The following SLC41A2 variants were observed in gnomAD, a reference collection of about 807,000 sequenced individuals.
SLC41A2 encodes the protein solute carrier family 41 member 2.
SLC41A2 carries 32 observed loss-of-function variants against 58.3 expected under a neutral mutation model. The observed-to-expected ratio is 0.55, with a 90% CI of 0.41 to 0.74. The LOEUF (loss-of-function observed/expected upper bound fraction) is 0.74, where lower values mean the gene tolerates loss of function less well. SLC41A2 is among the 30% of genes least tolerant of loss of function. SLC41A2 has a pLI of 0.00. For synonymous variants in SLC41A2, 190 were observed against 235.0 expected, an observed-to-expected ratio of 0.81 and a Z score of 1.75; for missense variants, 514 against 680.6, an observed-to-expected ratio of 0.76 and a Z score of 2.72.
At chr12:104,876,375 C>T (rs2044041434) in intron 6 of SLC41A2, among the ~76,000 whole-genome samples, 1 of 151,956 alleles carries the variant, frequency 6.6e-6, no homozygotes, top group Non-Finnish European at 1.5e-5. Flanking sequence ...TTTCTTCTTT[C>T]TAAATGCAGG....
chr12:104,831,048 T>C (rs921685250), intron 10 of SLC41A2, among the ~76,000 whole-genome samples: 6 of 152,186 alleles, frequency 3.9e-5, no homozygotes, highest in Non-Finnish European at 5.9e-5. Flanking sequence ...AGTACTTCAC[T>C]ATGAAGCTTT....
intron 10 of SLC41A2, among the ~76,000 whole-genome samples, chr12:104,821,889 C>G (rs2041651956): frequency 6.6e-6 from 1 of 152,148 alleles, no homozygotes; most frequent in East Asian, 1.9e-4. Context: ...TATCATTGTT[C>G]TTTATTCAAC....
intron 6 of SLC41A2, among the ~76,000 whole-genome samples, chr12:104,874,367 C>T (rs965862261): frequency 6.6e-5 from 10 of 152,182 alleles, no homozygotes; most frequent in Non-Finnish European, 1.3e-4. Flanking sequence ...AGCCATCACG[C>T]CCAGCCAAAT....
In SLC41A2 at chr12:104,895,282, A is replaced by G. The variant is rs759556766; in HGVS notation, c.727T>C (p.Leu243=). 1.9e-5 allele frequency: 31 copies of G among 1,612,652 alleles called. No homozygotes were observed. Among genetic ancestry groups the G allele is most frequent in the Non-Finnish European group, 2.5e-5 (29 of 1,179,056 alleles). The change falls in exon 4 of 11, where the codon TTA becomes CTA. Residue 243 remains leucine (L), a synonymous_variant. Coordinates refer to ENST00000258538, the MANE Select transcript of SLC41A2 (RefSeq NM_001352171.3). ...KWNLIIGNLA[L]KQVQATVVGF... ...ATATGTGTACCACTTACCTGCTTTA[A>G]AGCCAAGTTGCCAATTATTAGGTTC...
At chr12:104,899,130 TA>T (rs1196735017) in intron 3 of SLC41A2, among the ~76,000 whole-genome samples, 1 of 152,204 alleles carries the variant, frequency 6.6e-6, no homozygotes, top group African/African-American at 2.4e-5. Context: ...TTTTTTTTTA[TA>T]GTTACTAGTT....
chr12:104,909,767 A>T lies in SLC41A2; in HGVS notation c.556-5T>A, dbSNP rs1341634570. 27 of 1,552,818 alleles carry T rather than the reference A, an allele frequency of 1.7e-5. No individual in the cohort carries two copies. Among genetic ancestry groups the T allele is most frequent in the Non-Finnish European group, 2.3e-5 (26 of 1,152,446 alleles). On this transcript the variant is annotated splice_region_variant and splice_polypyrimidine_tract_variant and intron_variant, in intron 2 of 10. Transcript: ENST00000258538. The stretch of plus-strand genomic sequence containing the variant: ...TTTTCTGAACACCTCCCAGTGCTGT[A>T]AGAAAAAAAATAAAATAAAATTTTC...
chr12:104,847,512 G>C (rs2042644473), intron 8 of SLC41A2, among the ~76,000 whole-genome samples: 1 of 151,598 alleles, frequency 6.6e-6, no homozygotes, highest in Non-Finnish European at 1.5e-5. Context: ...GGCTGAGGCA[G>C]GCGAATCACT....
intron 8 of SLC41A2, among the ~76,000 whole-genome samples, chr12:104,853,979 C>G (rs2042925058): frequency 7.6e-6 from 1 of 131,748 alleles, no homozygotes; most frequent in East Asian, 2.3e-4. Flanking sequence ...TGGCTGGTCT[C>G]AAACTCCTGA....
At chr12:104,950,570 A>G (rs935756884) in intron 1 of SLC41A2, among the ~76,000 whole-genome samples, 2 of 152,146 alleles carry the variant, frequency 1.3e-5, no homozygotes, top group African/African-American at 4.8e-5. Flanking sequence ...CAGTCTCACT[A>G]CTTTTCCCAG....
At chr12:104,876,246 TATTTG>T (rs1308834829) in intron 6 of SLC41A2, among the ~76,000 whole-genome samples, 12 of 152,160 alleles carry the variant, frequency 7.9e-5, no homozygotes, top group Non-Finnish European at 1.6e-4. Context: ...TTCTATTCTC[TATTTG>T]ATTTATTTCT....
At chr12:104,927,734 C>T (rs12310202) in intron 2 of SLC41A2, among the ~76,000 whole-genome samples, 1,803 of 152,048 alleles carry the variant, frequency 0.012, 34 homozygotes, top group African/African-American at 0.041. Flanking sequence ...CTTCCAAGGT[C>T]TGTAGAGAAG....
At chr12:104,850,415 A>G (rs2042756134) in intron 8 of SLC41A2, among the ~76,000 whole-genome samples, 1 of 152,236 alleles carries the variant, frequency 6.6e-6, no homozygotes, top group Admixed American at 6.5e-5. Context: ...ATAAAGATTG[A>G]GTAATTCTGT....
At chr12:104,853,266 T>C (rs1291331809) in intron 8 of SLC41A2, among the ~76,000 whole-genome samples, 3 of 152,232 alleles carry the variant, frequency 2.0e-5, no homozygotes, top group East Asian at 3.8e-4. Flanking sequence ...AGAATTCCTT[T>C]GCACATTCCG....
At chr12:104,893,923 A>G (rs2135696893) in intron 4 of SLC41A2, among the ~76,000 whole-genome samples, 1 of 152,274 alleles carries the variant, frequency 6.6e-6, no homozygotes, top group Non-Finnish European at 1.5e-5. Context: ...AGAATGAATG[A>G]GACCTAGTAT....
intron 6 of SLC41A2, among the ~76,000 whole-genome samples, chr12:104,868,783 A>T (rs1193705143): frequency 6.6e-6 from 1 of 152,192 alleles, no homozygotes; most frequent in Non-Finnish European, 1.5e-5. Flanking sequence ...TCATTAATCC[A>T]TACAATTGGA....
chr12:104,944,570 C>T (rs1392854933), intron 1 of SLC41A2, among the ~76,000 whole-genome samples: 2 of 152,220 alleles, frequency 1.3e-5, no homozygotes, highest in African/African-American at 4.8e-5. Context: ...AATCAAGTTT[C>T]TCTTCTACCC....
In SLC41A2 at chr12:104,928,454, T is replaced by C. The variant is rs1006165337; in HGVS notation, c.74A>G (p.Asp25Gly). The C allele has an allele frequency of 1.9e-6, 3 of 1,550,348 alleles. No individual in the cohort carries two copies. The Middle Eastern group carries it at 5.0e-4, about 259-fold the overall frequency. The change falls in exon 2 of 11, where the codon GAT becomes GGT. Residue 25 changes from aspartate (D) to glycine (G), a missense_variant. Transcript: ENST00000258538. ...GGPSSGGGFV[D>G]WTLRLNTIQS... is the part of the protein sequence containing the mutation. ...AATTGTGTTTAAACGTAAAGTCCAATCTACAAAACCTCCTCCACTACTTGG... is the reference window on the plus strand; with the variant it reads ...AATTGTGTTTAAACGTAAAGTCCAACCTACAAAACCTCCTCCACTACTTGG...
intron 1 of SLC41A2, among the ~76,000 whole-genome samples, chr12:104,931,118 C>T (rs1430898518): frequency 6.6e-6 from 1 of 152,234 alleles, no homozygotes; most frequent in African/African-American, 2.4e-5. Flanking sequence ...ACGCTCTGTC[C>T]CCTCAGCAAG....
chr12:104,849,238 T>C (rs1225345443), intron 8 of SLC41A2, among the ~76,000 whole-genome samples: 11 of 152,278 alleles, frequency 7.2e-5, no homozygotes, highest in Non-Finnish European at 4.4e-5. Flanking sequence ...AAAGACATCA[T>C]GGAGAAAGTG....
Sources: gnomAD v4.1 joint callset for allele counts (sites outside exome capture counted in the v4.1 genomes callset) on GRCh38, gnomAD v4.1.1 for gene constraint, MANE v1.5 for transcripts, NCBI Gene and HGNC (gene_info 2026-07-23, HGNC 2026-07-21) for gene names.